NUB1: variants seen among roughly 807,000 people sequenced by gnomAD.
NUB1 encodes the protein NEDD8 ultimate buster 1.
A neutral mutation model predicts 77.1 loss-of-function variants in NUB1; 41 were observed. The observed-to-expected ratio is 0.53, with a 90% CI of 0.41 to 0.69. NUB1 has a LOEUF of 0.69. NUB1 is among the 30% of genes least tolerant of loss of function. The pLI is 0.00. For synonymous variants in NUB1, 257 were observed against 281.0 expected, an observed-to-expected ratio of 0.91 and a Z score of 0.85; for missense variants, 643 against 743.8, an observed-to-expected ratio of 0.86 and a Z score of 1.58.
At position 151,377,414 on chromosome 7, in the gene NUB1, C is replaced by T. The variant is rs1798354106; in HGVS notation, c.*189C>T. Reference sequence around the variant, plus strand: ...ATGCGTGGTCTCGGGGAAGAAGCTTCCTCTGGCCTGGCGCAGGCCGTTCCA... The same window carrying T: ...ATGCGTGGTCTCGGGGAAGAAGCTTTCTCTGGCCTGGCGCAGGCCGTTCCA... On this transcript the variant is annotated 3_prime_UTR_variant, in exon 15 of 15. Coordinates refer to ENST00000568733, the MANE Select transcript of NUB1 (RefSeq NM_001243351.2). 1 of 470,828 alleles carries T rather than the reference C, an allele frequency of 2.1e-6. No individual in the cohort carries two copies. Among genetic ancestry groups the T allele is most frequent in the Admixed American group, 4.0e-5 (1 of 25,116 alleles). The allele number at this position is 470,828 out of a possible 1,614,324, so 29.2% of individuals were successfully genotyped here. A position where few individuals can be genotyped will look rare whatever the true frequency, so the allele number is the denominator to read the frequency against.
Position 151,345,222 on chromosome 7 carries a change from T to C in NUB1, c.-2-126T>C, listed in dbSNP as rs180949142. ...AGTCTGGAGCTCATTTAAACCATAG[T>C]AATTTATATTTAATGACAGAGGAAG... is the stretch of plus-strand genomic sequence containing the variant. On this transcript the variant is annotated intron_variant, in intron 1 of 14. Transcript: ENST00000568733. 2.0e-3 allele frequency: 1,161 copies of C among 594,000 alleles called. 5 individuals carry two copies. Among genetic ancestry groups the C allele is most frequent in the Non-Finnish European group, 3.0e-3 (1,007 of 332,674 alleles). The allele number at this position is 594,000 out of a possible 1,614,324, so 36.8% of individuals were successfully genotyped here.
At position 151,376,642 on chromosome 7, in the gene NUB1, C is replaced by T. The variant is rs1337946391; in HGVS notation, c.1500C>T (p.Tyr500=). 3 of 1,610,354 alleles carry T rather than the reference C, an allele frequency of 1.9e-6. No individual in the cohort carries two copies. The highest frequency in any genetic ancestry group is 2.5e-6 in the Non-Finnish European group (3 of 1,178,510). The change falls in exon 14 of 15, where the codon TAC becomes TAT. Residue 500 remains tyrosine (Y), a synonymous_variant. Transcript: ENST00000568733. ...PSQENIDRLV[Y]MGFDALVAEA... The stretch of plus-strand genomic sequence containing the variant: ...CCTGCGCTCTCCCCTAGTTGGTGTA[C>T]ATGGGTTTTGATGCACTCGTGGCCG...
At chr7:151,353,633 C>T (rs183886122) in intron 5 of NUB1, among the ~76,000 whole-genome samples, 38 of 152,262 alleles carry the variant, frequency 2.5e-4, no homozygotes, top group Admixed American at 1.0e-3. Context: ...ATCTGTGCTG[C>T]GGAGTGATAC....
At chr7:151,374,032 G>A (rs1003544885) in intron 11 of NUB1, 65 bp from the exon 12 acceptor site, 57 of 1,480,970 alleles carry the variant, frequency 3.8e-5, no homozygotes, top group Admixed American at 1.2e-4. Flanking sequence ...CCTGCAGAGC[G>A]CAGACTGAGA....
chr7:151,362,925 C>T (rs1447031529), intron 8 of NUB1, among the ~76,000 whole-genome samples: 3 of 152,156 alleles, frequency 2.0e-5, no homozygotes, highest in Non-Finnish European at 4.4e-5. Flanking sequence ...AGTCACAGGG[C>T]GTCAAATAGA....
chr7:151,368,903 T>A lies in NUB1; in HGVS notation c.1248+16T>A. 2 of 1,607,860 alleles carry A rather than the reference T, an allele frequency of 1.2e-6. No individual in the cohort carries two copies. Among genetic ancestry groups the A allele is most frequent in the Non-Finnish European group, 1.7e-6 (2 of 1,176,940 alleles). On this transcript the variant is annotated intron_variant, in intron 11 of 14. Coordinates refer to ENST00000568733, the MANE Select transcript of NUB1 (RefSeq NM_001243351.2). The stretch of plus-strand genomic sequence containing the variant: ...CCGCAGAGAGGTACCCACTTTCACA[T>A]GCCCTAGCTCTCTTGGGTATGAAAG...
chr7:151,355,982 A>T, intron 6 of NUB1, 32 bp downstream of exon 6: 1 of 1,608,662 alleles, frequency 6.2e-7, no homozygotes, highest in African/African-American at 1.3e-5. Context: ...TCACCCACTC[A>T]GCTGCTTGGG....
intron 12 of NUB1, chr7:151,374,445 C>T: frequency 1.5e-6 from 1 of 678,220 alleles, no homozygotes; most frequent in Non-Finnish European, 2.5e-6. Context: ...CAGTGCTTGG[C>T]CCAGGCCTGG....
chr7:151,367,611 C>T (rs923719994), intron 9 of NUB1, among the ~76,000 whole-genome samples: 1 of 152,170 alleles, frequency 6.6e-6, no homozygotes, highest in African/African-American at 2.4e-5. Context: ...ACCAGAAGGG[C>T]CACTGTGCTG....
At chr7:151,348,181 C>T (rs977770249) in intron 2 of NUB1, among the ~76,000 whole-genome samples, 1 of 152,154 alleles carries the variant, frequency 6.6e-6, no homozygotes, top group African/African-American at 2.4e-5. Flanking sequence ...GGGGAGGAAC[C>T]ATAATGACTT....
In NUB1 at chr7:151,367,898, T is replaced by C; in HGVS notation, c.1025T>C (p.Leu342Pro). 1 of 1,602,076 alleles carries C rather than the reference T, an allele frequency of 6.2e-7. No homozygotes were observed. The highest frequency in any genetic ancestry group is 8.5e-7 in the Non-Finnish European group (1 of 1,173,306). The change falls in exon 10 of 15, where the codon CTC becomes CCC. Residue 342 changes from leucine (L) to proline (P), a missense_variant. By Grantham distance (98) the Leu-to-Pro change is moderately conservative. Transcript: ENST00000568733. ...AAAGAGAAGGTACTGTTTCTAAGAC[T>C]CTACTTACTTCAAGGGATCCGAAAC... is the stretch of plus-strand genomic sequence containing the variant. ...CGKEKVLFLRLYLLQGIRNYH... is the reference protein window; with the variant it reads ...CGKEKVLFLRPYLLQGIRNYH...
intron 8 of NUB1, among the ~76,000 whole-genome samples, chr7:151,365,139 AT>A (rs1797609446): frequency 6.6e-6 from 1 of 152,020 alleles, no homozygotes; most frequent in African/African-American, 2.4e-5. Flanking sequence ...AATGCAATTT[AT>A]ACCAGGCTTT....
intron 8 of NUB1, among the ~76,000 whole-genome samples, chr7:151,364,118 T>C (rs1318628836): frequency 1.3e-5 from 2 of 150,640 alleles, no homozygotes; most frequent in Non-Finnish European, 3.0e-5. Flanking sequence ...TAAATAAATA[T>C]TAATTTCAAG....
intron 7 of NUB1, among the ~76,000 whole-genome samples, chr7:151,357,295 TG>T (rs1333335133): frequency 1.3e-5 from 2 of 152,024 alleles, no homozygotes; most frequent in Admixed American, 1.3e-4. Context: ...GGCTAACTTT[TG>T]TATTTTTAGT....
intron 8 of NUB1, among the ~76,000 whole-genome samples, chr7:151,362,030 G>T (rs1295164609): frequency 6.6e-6 from 1 of 152,158 alleles, no homozygotes; most frequent in Non-Finnish European, 1.5e-5. Context: ...AGCTTCTGCA[G>T]TTATAAAGAC....
chr7:151,352,743 A>C, intron 4 of NUB1, 69 bp from the exon 5 acceptor site: 6 of 1,000,552 alleles, frequency 6.0e-6, no homozygotes, highest in Non-Finnish European at 9.4e-6. Context: ...GGGCCTGGCT[A>C]ATGTCTTTTT....
At chr7:151,368,102 A>G (rs1404327919) in intron 10 of NUB1, 134 bp downstream of exon 10, 1 of 603,550 alleles carries the variant, frequency 1.7e-6, no homozygotes, top group Admixed American at 3.0e-5. Flanking sequence ...GAGATGTTGA[A>G]CCAGAAACAT....
intron 11 of NUB1, 31 bp downstream of exon 11, chr7:151,368,918 G>A: frequency 1.9e-6 from 3 of 1,564,018 alleles, no homozygotes; most frequent in South Asian, 2.4e-5. Flanking sequence ...TAGCTCTCTT[G>A]GGTATGAAAG....
chr7:151,355,794 G>T lies in NUB1; in HGVS notation c.442G>T (p.Ala148Ser), dbSNP rs1797035717. The T allele has an allele frequency of 6.2e-7, 1 of 1,603,902 alleles. No homozygotes were observed. The highest frequency in any genetic ancestry group is 1.3e-5 in the African/African-American group (1 of 74,680). The change falls in exon 6 of 15, where the codon GCT becomes TCT. Residue 148 changes from alanine to serine, a missense_variant. Physicochemically the swap from Ala to Ser is moderately conservative, Grantham distance 99 (BLOSUM62 1). Transcript: ENST00000568733. ...GAAAACCCTTGAAGAACAAGGCGTGGCTCACAATGTGAAAGCGATGGTGCT... is the reference window on the plus strand; with the variant it reads ...GAAAACCCTTGAAGAACAAGGCGTGTCTCACAATGTGAAAGCGATGGTGCT... ...LGKTLEEQGV[A>S]HNVKAMVLEL...
Sources: gnomAD v4.1 joint callset for allele counts (sites outside exome capture counted in the v4.1 genomes callset) on GRCh38, gnomAD v4.1.1 for gene constraint, MANE v1.5 for transcripts, NCBI Gene and HGNC (gene_info 2026-07-23, HGNC 2026-07-21) for gene names.